Variants in SRGAP1 observed in about 807,000 individuals in gnomAD.
SRGAP1 encodes SLIT-ROBO Rho GTPase-activating protein 1.
In SRGAP1, 43 loss-of-function variants were observed where a neutral mutation model predicts 121.9. The observed-to-expected ratio is 0.35, with a 90% CI of 0.28 to 0.46. SRGAP1 has a LOEUF of 0.46. SRGAP1 is among the 20% of genes least tolerant of loss of function. The pLI, the probability that SRGAP1 is intolerant of heterozygous loss-of-function variation, is 1.00. For missense variants in SRGAP1, 1,102 were observed against 1,350.9 expected, an observed-to-expected ratio of 0.82 and a Z score of 2.89; for synonymous variants, 447 against 485.4, an observed-to-expected ratio of 0.92 and a Z score of 1.04.
At chr12:64,039,833 C>G (rs945126499) in intron 4 of SRGAP1, among the ~76,000 whole-genome samples, 3 of 152,070 alleles carry the variant, frequency 2.0e-5, no homozygotes, top group African/African-American at 7.2e-5. Flanking sequence ...TTTTCATTTC[C>G]CAGCTGCTCA....
chr12:64,064,561 G>A (rs1195293091), intron 7 of SRGAP1, among the ~76,000 whole-genome samples: 2 of 152,178 alleles, frequency 1.3e-5, no homozygotes, highest in Non-Finnish European at 2.9e-5. Flanking sequence ...TAAGTTCCTT[G>A]TGTACGTTGT....
At chr12:63,936,746 T>C (rs998554566) in intron 1 of SRGAP1, among the ~76,000 whole-genome samples, 1 of 152,174 alleles carries the variant, frequency 6.6e-6, no homozygotes, top group African/African-American at 2.4e-5. Flanking sequence ...GGGCCCAAAG[T>C]TCTCTCACTG....
chr12:63,873,812 G>T (rs1323105728), intron 1 of SRGAP1, among the ~76,000 whole-genome samples: 1 of 151,778 alleles, frequency 6.6e-6, no homozygotes, highest in Non-Finnish European at 1.5e-5. Flanking sequence ...GGGACTACAG[G>T]TGCCTGCTAT....
intron 3 of SRGAP1, among the ~76,000 whole-genome samples, chr12:63,994,756 C>A (rs1467942927): frequency 1.3e-5 from 2 of 152,200 alleles, no homozygotes; most frequent in African/African-American, 2.4e-5. Flanking sequence ...TTGTTTCATT[C>A]TCAACCCTCA....
intron 4 of SRGAP1, among the ~76,000 whole-genome samples, chr12:64,034,670 C>A (rs1323161934): frequency 1.3e-5 from 2 of 152,094 alleles, no homozygotes. Context: ...TTTTATCCCC[C>A]CCACCACCTT....
intron 10 of SRGAP1, among the ~76,000 whole-genome samples, chr12:64,085,082 A>T (rs958794077): frequency 6.6e-6 from 1 of 152,150 alleles, no homozygotes; most frequent in Non-Finnish European, 1.5e-5. Flanking sequence ...GAGCTAGTAC[A>T]TTATAGTTCC....
rs1015010415 is a variant in SRGAP1, at chr12:64,156,926, T to C, written c.*14254T>C. The C allele has an allele frequency of 2.5e-4, 38 of 152,234 alleles. No individual in the cohort carries two copies. The highest frequency in any genetic ancestry group is 8.4e-4 in the African/African-American group (35 of 41,526). The allele number at this position is 152,234 out of a possible 1,614,324, so 9.4% of individuals were successfully genotyped here. ...TGATAGGGGGAATAAGGCATAAAAT[T>C]ATCTGACCTGAGAGACCTTAACAGC... On this transcript the variant is annotated 3_prime_UTR_variant, in exon 22 of 22. Transcript: ENST00000355086.
At chr12:63,875,564 G>GT (rs919564726) in intron 1 of SRGAP1, among the ~76,000 whole-genome samples, 2 of 152,138 alleles carry the variant, frequency 1.3e-5, no homozygotes, top group Admixed American at 6.5e-5. Flanking sequence ...TAAAGATATA[G>GT]TTTTTGAAAT....
chr12:64,059,210 G>C (rs763276242), intron 6 of SRGAP1, among the ~76,000 whole-genome samples: 3 of 152,166 alleles, frequency 2.0e-5, no homozygotes, highest in Non-Finnish European at 4.4e-5. Context: ...ATGGAAACAT[G>C]CACCGATGCT....
At chr12:64,141,660 A>G (rs112135818) in intron 21 of SRGAP1, among the ~76,000 whole-genome samples, 266 of 152,256 alleles carry the variant, frequency 1.7e-3, no homozygotes, top group African/African-American at 6.1e-3. Context: ...TTCTATATTA[A>G]TAAGTCAGCA....
At chr12:63,942,569 C>G (rs1408974115) in intron 1 of SRGAP1, among the ~76,000 whole-genome samples, 1 of 152,144 alleles carries the variant, frequency 6.6e-6, no homozygotes, top group Non-Finnish European at 1.5e-5. Flanking sequence ...CTCCACCGGT[C>G]TAGATCTTCA....
chr12:64,045,300 A>G (rs1416385125), intron 6 of SRGAP1, among the ~76,000 whole-genome samples: 2 of 152,172 alleles, frequency 1.3e-5, no homozygotes, highest in Non-Finnish European at 2.9e-5. Flanking sequence ...AAAGAATTTT[A>G]TAACCCCAGT....
At position 64,127,731 on chromosome 12, in the gene SRGAP1, A is replaced by G. The variant is rs753665886; in HGVS notation, c.2540+7A>G. On this transcript the variant is annotated splice_region_variant and intron_variant, in intron 20 of 21. Transcript: ENST00000355086. ...CTGACGGCTATTTAGCCAGGTAAGTAGAGCCTGGGAATCAGGCCCCTAAGC... is the reference window on the plus strand; with the variant it reads ...CTGACGGCTATTTAGCCAGGTAAGTGGAGCCTGGGAATCAGGCCCCTAAGC... 2 of 1,613,818 alleles carry G rather than the reference A, an allele frequency of 1.2e-6. No individual in the cohort carries two copies. Among genetic ancestry groups the G allele is most frequent in the African/African-American group, 1.3e-5 (1 of 75,042 alleles).
intron 1 of SRGAP1, among the ~76,000 whole-genome samples, chr12:63,907,933 G>A (rs141993013): frequency 1.3e-5 from 2 of 152,154 alleles, no homozygotes; most frequent in Admixed American, 1.3e-4. Context: ...ATATCCAGTT[G>A]TGCAGCACCA....
At chr12:64,027,193 A>C (rs1565646324) in intron 4 of SRGAP1, among the ~76,000 whole-genome samples, 1 of 152,120 alleles carries the variant, frequency 6.6e-6, no homozygotes, top group Non-Finnish European at 1.5e-5. Context: ...TTTTCCCAAC[A>C]ACCATGGGAG....
intron 15 of SRGAP1, among the ~76,000 whole-genome samples, chr12:64,106,146 C>T (rs1275507378): frequency 6.6e-6 from 1 of 152,110 alleles, no homozygotes; most frequent in African/African-American, 2.4e-5. Context: ...TAGCCTCGAC[C>T]TTAACTTTAA....
chr12:63,980,031 G>C (rs972056384), intron 1 of SRGAP1, among the ~76,000 whole-genome samples: 1 of 152,214 alleles, frequency 6.6e-6, no homozygotes, highest in East Asian at 1.9e-4. Context: ...GTGGGGCCGA[G>C]TGCACCATGG....
Position 63,989,989 on chromosome 12 carries a change from G to A in SRGAP1, c.343G>A (p.Ala115Thr). 6.2e-7 allele frequency: 1 copy of A among 1,613,938 alleles called. No homozygotes were observed. The highest frequency in any genetic ancestry group is 8.5e-7 in the Non-Finnish European group (1 of 1,179,826). ...NQVRRESKDH[A>T]TLSDIYLNNV... ...AGTAAGGAGAGAAAGCAAAGACCAT[G>A]CAACCTTGAGTGACATCTATCTGAA... The change falls in exon 3 of 22, where the codon GCA becomes ACA. Residue 115 changes from alanine (A) to threonine (T), a missense_variant. Ala to Thr is a moderately conservative substitution (Grantham distance 58). This residue lies in a region of SRGAP1 where 747 missense variants were observed against 929.4 expected (regional missense o/e 0.80). Transcript: ENST00000355086.
Position 64,029,776 on chromosome 12 carries a change from C to A in SRGAP1, c.489+12764C>A, listed in dbSNP as rs540414329. 6.6e-5 allele frequency among the ~76,000 whole-genome samples: 10 copies of A among 152,026 alleles called. No homozygotes were observed. The East Asian group carries it at 1.7e-3, about 26-fold the overall frequency. ...CTTTGGAAGACCAAGGCAGGCAGAT[C>A]ACTTGAGGTCAGGAGTTCGAGACCA... On this transcript the variant is annotated intron_variant, in intron 4 of 21. Transcript: ENST00000355086.
Sources: allele counts gnomAD v4.1 joint callset (sites outside exome capture counted in the v4.1 genomes callset), GRCh38; gene constraint gnomAD v4.1.1; regional missense constraint gnomAD v4.1.1; transcripts MANE v1.5; gene names NCBI Gene and HGNC (gene_info 2026-07-23, HGNC 2026-07-21).